The following CLIP1 variants were observed in gnomAD, a reference collection of about 807,000 sequenced individuals.
The protein encoded by CLIP1 is CAP-Gly domain-containing linker protein 1.
A neutral mutation model predicts 161.6 loss-of-function variants in CLIP1; 66 were observed. That is an observed-to-expected ratio of 0.41 (90% CI 0.33 to 0.50). The LOEUF is 0.50. Ranked by LOEUF, CLIP1 falls within the 20% of genes least tolerant of loss-of-function variation. The pLI is 0.27. For synonymous variants in CLIP1, 598 were observed against 626.2 expected, an observed-to-expected ratio of 0.96 and a Z score of 0.67; for missense variants, 1,376 against 1,702.0, an observed-to-expected ratio of 0.81 and a Z score of 3.37.
At chr12:122,409,984 C>T (rs1003696452) in intron 1 of CLIP1, among the ~76,000 whole-genome samples, 2 of 151,530 alleles carry the variant, frequency 1.3e-5, no homozygotes, top group Non-Finnish European at 2.9e-5. Flanking sequence ...CATTCTCCTG[C>T]CTCAGCCTCC....
At chr12:122,330,659 G>A (rs1951914598) in intron 15 of CLIP1, among the ~76,000 whole-genome samples, 1 of 132,794 alleles carries the variant, frequency 7.5e-6, no homozygotes, top group Non-Finnish European at 1.5e-5. Context: ...GAGTGCAATG[G>A]TGCGATCTGA....
Position 122,272,106 on chromosome 12 carries a change from A to G in CLIP1, c.*769T>C, listed in dbSNP as rs1955205155. 6.6e-6 allele frequency: 1 copy of G among 152,352 alleles called. No individual in the cohort carries two copies. The highest frequency in any genetic ancestry group is 6.5e-5 in the Admixed American group (1 of 15,280). The allele number at this position is 152,352 out of a possible 1,614,324, so 9.4% of individuals were successfully genotyped here. On this transcript the variant is annotated 3_prime_UTR_variant, in exon 26 of 26. Coordinates refer to ENST00000620786, the MANE Select transcript of CLIP1 (RefSeq NM_001247997.2). ...TCTTTTTCAAAAAGGTAAATGTCCA[A>G]AAAGAAAGACACATTGTGTATGTTT...
intron 9 of CLIP1, among the ~76,000 whole-genome samples, chr12:122,350,033 T>C (rs7978636): frequency 0.65 from 98,357 of 151,604 alleles, 32,380 homozygotes; most frequent in African/African-American, 0.7. Flanking sequence ...GCCTCCCTAG[T>C]AGCTGGGATT....
chr12:122,314,701 G>A (rs1287278451), intron 19 of CLIP1, among the ~76,000 whole-genome samples: 3 of 152,172 alleles, frequency 2.0e-5, no homozygotes, highest in African/African-American at 7.2e-5. Context: ...ACACAATGCA[G>A]GAATTCAACC....
intron 1 of CLIP1, among the ~76,000 whole-genome samples, chr12:122,415,326 A>G (rs2137202547): frequency 6.6e-6 from 1 of 151,146 alleles, no homozygotes; most frequent in Middle Eastern, 3.4e-3. Flanking sequence ...CTAAAAATAC[A>G]AAAAAATTAG....
At chr12:122,315,802 G>A (rs1442725966) in intron 19 of CLIP1, among the ~76,000 whole-genome samples, 6 of 151,510 alleles carry the variant, frequency 4.0e-5, no homozygotes, top group South Asian at 2.1e-4. Context: ...CACCACGCCC[G>A]GCTAATTTCT....
chr12:122,293,057 GA>G (rs1291542522), intron 20 of CLIP1, among the ~76,000 whole-genome samples: 3 of 148,758 alleles, frequency 2.0e-5, no homozygotes, highest in Non-Finnish European at 4.4e-5. Context: ...CACAGATGGG[GA>G]GAAAACATTC....
chr12:122,380,552 A>T lies in CLIP1; in HGVS notation c.-100T>A, dbSNP rs1162827366. ...GTTCTATAGTGAAGTCAGTCTCTGG[A>T]TTAAATCTGCAAAGAGAAAGAAATA... is the stretch of plus-strand genomic sequence containing the variant. On this transcript the variant is annotated 5_prime_UTR_variant, in exon 2 of 26. Transcript: ENST00000620786. 6 of 630,986 alleles carry T rather than the reference A, an allele frequency of 9.5e-6. No homozygotes were observed. The highest frequency in any genetic ancestry group is 1.6e-5 in the Non-Finnish European group (6 of 365,422). The allele number at this position is 630,986 out of a possible 1,614,324, so 39.1% of individuals were successfully genotyped here. A position where few individuals can be genotyped will look rare whatever the true frequency, so the allele number is the denominator to read the frequency against.
chr12:122,273,052 G>A lies in CLIP1; in HGVS notation c.4140C>T (p.Asp1380=), dbSNP rs755700141. 6.2e-7 allele frequency: 1 copy of A among 1,614,174 alleles called. No individual in the cohort carries two copies. Among genetic ancestry groups the A allele is most frequent in the Non-Finnish European group, 8.5e-7 (1 of 1,180,024 alleles). Residue 1380 remains aspartate, a synonymous_variant, in exon 26 of 26, where the codon GAC becomes GAT. Transcript: ENST00000620786. ...CGTGGAGATCAAAGCAGTCACAAAT[G>A]TCACAGAAGAGGCGAGGTTTCTTCT... ...QSKKKPRLFC[D]ICDCFDLHDT... is the part of the protein sequence containing the mutation.
At chr12:122,409,462 C>A (rs755257294) in intron 1 of CLIP1, among the ~76,000 whole-genome samples, 1 of 152,058 alleles carries the variant, frequency 6.6e-6, no homozygotes, top group Non-Finnish European at 1.5e-5. Flanking sequence ...AATTTACTCA[C>A]AAATCCATAA....
rs138221646 is a variant in CLIP1 at position 122,404,514 on chromosome 12, G to A, written c.-107+18007C>T. Among the ~76,000 whole-genome samples, 755 of 152,126 alleles carry A rather than the reference G, an allele frequency of 5.0e-3. 4 individuals carry two copies. The highest frequency in any genetic ancestry group is 0.017 in the African/African-American group (723 of 41,512). On this transcript the variant is annotated intron_variant, in intron 1 of 25. Coordinates refer to ENST00000620786, the MANE Select transcript of CLIP1 (RefSeq NM_001247997.2). ...TTCAGGAGTCTGAGGCAGGAGAATCGCTTGAACCCGGGGAGGTGGAGGTTG... is the reference window on the plus strand; with the variant it reads ...TTCAGGAGTCTGAGGCAGGAGAATCACTTGAACCCGGGGAGGTGGAGGTTG...
intron 17 of CLIP1, among the ~76,000 whole-genome samples, chr12:122,326,580 G>A (rs1405641271): frequency 6.6e-6 from 1 of 152,172 alleles, no homozygotes; most frequent in Non-Finnish European, 1.5e-5. Flanking sequence ...TTGGGAAGCT[G>A]AGGCAAGGGG....
rs146612984 is a variant in CLIP1, at chr12:122,295,357, G to A, written c.3595-6816C>T. ...TGCACTCCAGCCTGGGGAACAGAGT[G>A]AGACTCCGTTTCAAAAAATTAAAAA... On this transcript the variant is annotated intron_variant, in intron 20 of 25. Transcript: ENST00000620786. Among the ~76,000 whole-genome samples the A allele has an allele frequency of 1.3e-3, 194 of 152,278 alleles. 2 individuals carry two copies. The highest frequency in any genetic ancestry group is 0.012 in the Admixed American group (188 of 15,292).
At chr12:122,330,211 T>G (rs1477630302) in intron 15 of CLIP1, among the ~76,000 whole-genome samples, 1 of 152,134 alleles carries the variant, frequency 6.6e-6, no homozygotes, top group Admixed American at 6.6e-5. Context: ...TGGGGGGCAC[T>G]TCTGAATTTT....
chr12:122,355,450 G>T lies in CLIP1; in HGVS notation c.1006-138C>A. 1 of 677,842 alleles carries T rather than the reference G, an allele frequency of 1.5e-6. No homozygotes were observed. Among genetic ancestry groups the T allele is most frequent in the Non-Finnish European group, 2.5e-6 (1 of 394,504 alleles). 42.0% of individuals were successfully genotyped at this position (677,842 alleles called of 1,614,324 possible). ...TGGCAGGCTGGCCAGGATTAGGAAA[G>T]GCTTCCTCAAAAACACAAGACAGTG... On this transcript the variant is annotated intron_variant, in intron 5 of 25. Transcript: ENST00000620786. This position sits in a 1 kb window ranked among gnomAD's most constrained non-coding sequence, Gnocchi z 4.1.
At position 122,401,609 on chromosome 12, in the gene CLIP1, G is replaced by A. The variant is rs567056114; in HGVS notation, c.-107+20912C>T. Among the ~76,000 whole-genome samples, 331 of 151,322 alleles carry A rather than the reference G, an allele frequency of 2.2e-3. 2 individuals are homozygous for A. The highest frequency in any genetic ancestry group is 7.7e-3 in the African/African-American group (319 of 41,188). On this transcript the variant is annotated intron_variant, in intron 1 of 25. Coordinates refer to ENST00000620786, the MANE Select transcript of CLIP1 (RefSeq NM_001247997.2). The stretch of plus-strand genomic sequence containing the variant: ...CTTAAACCTGGGAGGCAGAGGTTGC[G>A]GTGAGCAGAGATGGCGCCATTGTAC...
chr12:122,322,932 T>C (rs1357409369), intron 17 of CLIP1: 1 of 152,690 alleles, frequency 6.5e-6, no homozygotes, highest in Non-Finnish European at 1.5e-5. Context: ...TGAGCCTCTT[T>C]CAGCATCAAA....
chr12:122,316,848 G>GC lies in CLIP1; in HGVS notation c.3373_3374insG (p.Thr1125SerfsTer3), dbSNP rs1227446865. On this transcript the variant is annotated frameshift_variant, in exon 19 of 26. Transcript: ENST00000620786. LOFTEE classifies it high-confidence loss of function. ...ATTTTTCAAGTTGTTTTCTTTAAGTGTGTCCAACTTAAAGACCAAGAGAAA... is the reference window on the plus strand; with the variant it reads ...ATTTTTCAAGTTGTTTTCTTTAAGTGCTGTCCAACTTAAAGACCAAGAGAAA... The GC allele has an allele frequency of 6.4e-7, 1 of 1,554,294 alleles. No individual in the cohort carries two copies. The highest frequency in any genetic ancestry group is 8.7e-7 in the Non-Finnish European group (1 of 1,149,624).
intron 23 of CLIP1, 46 bp from the exon 24 acceptor site, chr12:122,278,249 T>A: frequency 7.1e-7 from 1 of 1,409,056 alleles, no homozygotes; most frequent in Non-Finnish European, 9.8e-7. Flanking sequence ...AGGGAGAATA[T>A]ATGTATATTT....
Sources: allele counts gnomAD v4.1 joint callset (sites outside exome capture counted in the v4.1 genomes callset), GRCh38; gene constraint gnomAD v4.1.1; non-coding constraint Gnocchi (gnomAD v3.1); transcripts MANE v1.5; gene names NCBI Gene and HGNC (gene_info 2026-07-23, HGNC 2026-07-21).